Variants in ADGRL3 observed in about 807,000 individuals in gnomAD.
The protein encoded by ADGRL3 is adhesion G protein-coupled receptor L3.
ADGRL3 carries 62 observed loss-of-function variants against 153.5 expected under a neutral mutation model. The observed-to-expected ratio is 0.40, with a 90% confidence interval of 0.33 to 0.50. The LOEUF (loss-of-function observed/expected upper bound fraction) is 0.50. ADGRL3 is among the 20% of genes least tolerant of loss of function. The pLI is 0.47. For missense variants in ADGRL3, 1,641 were observed against 1,859.4 expected (o/e 0.88, Z 2.16); for synonymous variants, 710 against 672.5 (o/e 1.06, Z -0.86).
intron 21 of ADGRL3, among the ~76,000 whole-genome samples, chr4:62,027,788 A>T (rs1446926815): frequency 6.6e-6 from 1 of 151,976 alleles, no homozygotes; most frequent in Non-Finnish European, 1.5e-5. Flanking sequence ...AAATTGTTTC[A>T]TTATCACAAG....
intron 8 of ADGRL3, among the ~76,000 whole-genome samples, chr4:61,751,484 C>A (rs1185064325): frequency 3.3e-5 from 5 of 151,240 alleles, no homozygotes; most frequent in African/African-American, 1.2e-4. Context: ...TAGATTTGGG[C>A]CCAATTCTGA....
intron 9 of ADGRL3, among the ~76,000 whole-genome samples, chr4:61,874,366 T>C (rs188600731): frequency 1.3e-4 from 20 of 152,304 alleles, no homozygotes; most frequent in Non-Finnish European, 2.6e-4. Flanking sequence ...CTAAGCCATA[T>C]GGAAAATCTG....
In ADGRL3 at chr4:62,070,792, A is replaced by G. The variant is rs1745402887; in HGVS notation, c.4516A>G (p.Thr1506Ala). The change falls in exon 27 of 27, where the codon ACT becomes GCT. Residue 1506 changes from threonine (T) to alanine (A), a missense_variant. Physicochemically the swap from Thr to Ala is moderately conservative, Grantham distance 58. Coordinates refer to ENST00000683033, the MANE Select transcript of ADGRL3 (RefSeq NM_001387552.1). ...CAGAAACCACGTCCATCAGCTGCAT[A>G]CTTACTACCAGCTAGGTCGCGGCAG... ...GSRNHVHQLH[T>A]YYQLGRGSSD... is the part of the protein sequence containing the mutation. 3 of 1,551,672 alleles carry G rather than the reference A, an allele frequency of 1.9e-6. No homozygotes were observed. The highest frequency in any genetic ancestry group is 2.6e-6 in the Non-Finnish European group (3 of 1,146,966).
intron 2 of ADGRL3, among the ~76,000 whole-genome samples, chr4:61,473,792 G>T (rs1486618364): frequency 1.3e-5 from 2 of 152,040 alleles, no homozygotes; most frequent in Non-Finnish European, 2.9e-5. Flanking sequence ...TTAATCATTG[G>T]TTTGTTTTAG....
intron 9 of ADGRL3, among the ~76,000 whole-genome samples, chr4:61,869,573 C>CCGCAG (rs1346075264): frequency 6.6e-6 from 1 of 151,696 alleles, no homozygotes; most frequent in Non-Finnish European, 1.5e-5. Context: ...AGTCCGCAGT[C>CCGCAG]TGGCCTGGGC....
In ADGRL3 at chr4:61,715,924, G is replaced by A. The variant is rs1200313899; in HGVS notation, c.584-14698G>A. 2.0e-5 allele frequency among the ~76,000 whole-genome samples: 3 copies of A among 147,040 alleles called. No individual in the cohort carries two copies. The East Asian group carries it at 6.1e-4, about 30-fold the overall frequency. On this transcript the variant is annotated intron_variant, in intron 6 of 26. Transcript: ENST00000683033. Reference sequence around the variant, plus strand: ...CATAACAGGAAAGGAATTGGAAAAGGGAGAGTTTGTTTGCCCTTAAAGTAA... The same window carrying A: ...CATAACAGGAAAGGAATTGGAAAAGAGAGAGTTTGTTTGCCCTTAAAGTAA...
At chr4:61,338,865 TAAAC>T (rs2095744202) in intron 1 of ADGRL3, among the ~76,000 whole-genome samples, 1 of 152,192 alleles carries the variant, frequency 6.6e-6, no homozygotes, top group African/African-American at 2.4e-5. Context: ...AAAATTTAAA[TAAAC>T]TAAGAGAATG....
At chr4:61,811,924 A>T (rs893369371) in intron 8 of ADGRL3, among the ~76,000 whole-genome samples, 2 of 152,136 alleles carry the variant, frequency 1.3e-5, no homozygotes, top group African/African-American at 2.4e-5. Flanking sequence ...ATTATTCTAT[A>T]TGCTAAGGTT....
At chr4:61,898,622 C>A (rs2098645441) in intron 11 of ADGRL3, among the ~76,000 whole-genome samples, 1 of 142,386 alleles carries the variant, frequency 7.0e-6, no homozygotes, top group African/African-American at 2.6e-5. Context: ...TCACCCTAAT[C>A]TTTTTTTTTT....
chr4:61,626,492 C>A (rs1044930410), intron 5 of ADGRL3, among the ~76,000 whole-genome samples: 18 of 151,908 alleles, frequency 1.2e-4, no homozygotes, highest in Admixed American at 1.2e-3. Context: ...AAAGTTGAAA[C>A]GTGAAATTTC....
chr4:61,746,352 C>A (rs547216013), intron 8 of ADGRL3, among the ~76,000 whole-genome samples: 1 of 151,570 alleles, frequency 6.6e-6, no homozygotes, highest in Non-Finnish European at 1.5e-5. Flanking sequence ...CTGCACCAAG[C>A]GGACCTAATA....
chr4:62,044,244 T>C (rs1204197421), intron 24 of ADGRL3, among the ~76,000 whole-genome samples: 2 of 152,178 alleles, frequency 1.3e-5, no homozygotes, highest in East Asian at 3.9e-4. Flanking sequence ...TATATAGGCA[T>C]TTAGGAATAC....
chr4:61,845,101 C>T (rs576167918), intron 9 of ADGRL3, among the ~76,000 whole-genome samples: 11 of 152,192 alleles, frequency 7.2e-5, no homozygotes, highest in East Asian at 3.9e-4. Flanking sequence ...TCATCAAATA[C>T]GTTTCTAATC....
intron 21 of ADGRL3, among the ~76,000 whole-genome samples, chr4:61,998,669 C>T (rs951452275): frequency 3.3e-5 from 5 of 151,506 alleles, no homozygotes; most frequent in African/African-American, 9.7e-5. Context: ...TCCTCCTCCC[C>T]GATTCAAGCG....
intron 6 of ADGRL3, among the ~76,000 whole-genome samples, chr4:61,710,199 T>G (rs1304100738): frequency 6.6e-6 from 1 of 152,122 alleles, no homozygotes; most frequent in Non-Finnish European, 1.5e-5. Flanking sequence ...GTCAAAGCCT[T>G]TCTCCTTTGT....
At chr4:61,250,033 G>A (rs775747606) in intron 1 of ADGRL3, among the ~76,000 whole-genome samples, 1 of 152,106 alleles carries the variant, frequency 6.6e-6, no homozygotes, top group South Asian at 2.1e-4. Context: ...TATGTGCTTT[G>A]TTTTGCAATT....
At chr4:61,708,680 T>TA (rs2095901010) in intron 6 of ADGRL3, among the ~76,000 whole-genome samples, 2 of 152,086 alleles carry the variant, frequency 1.3e-5, no homozygotes, top group African/African-American at 4.8e-5. Context: ...ACAAAAACAA[T>TA]AAAAAATTCA....
At chr4:61,541,634 T>G (rs1244499736) in intron 4 of ADGRL3, among the ~76,000 whole-genome samples, 1 of 152,108 alleles carries the variant, frequency 6.6e-6, no homozygotes, top group Admixed American at 6.5e-5. Flanking sequence ...AGGAGCTCTA[T>G]TCAGCTTGGT....
intron 15 of ADGRL3, among the ~76,000 whole-genome samples, chr4:61,946,346 GCCTTT>G (rs767814883): frequency 2.0e-5 from 3 of 151,758 alleles, no homozygotes; most frequent in Non-Finnish European, 2.9e-5. Flanking sequence ...GTGTCTATTG[GCCTTT>G]CCTTTATTTA....
Sources: allele counts gnomAD v4.1 joint callset (sites outside exome capture counted in the v4.1 genomes callset), GRCh38; gene constraint gnomAD v4.1.1; transcripts MANE v1.5; gene names NCBI Gene and HGNC (gene_info 2026-07-23, HGNC 2026-07-21).